RBFOX1: variants seen among roughly 807,000 people sequenced by gnomAD.
The protein encoded by RBFOX1 is RNA binding fox-1 homolog 1.
A neutral mutation model predicts 57.7 loss-of-function variants in RBFOX1; 8 were observed. The observed-to-expected ratio is 0.14, with a 90% CI of 0.08 to 0.25. The LOEUF is 0.25. Ranked by LOEUF, RBFOX1 falls within the 10% of genes least tolerant of loss-of-function variation. The pLI is 1.00. For synonymous variants in RBFOX1, 326 were observed against 222.4 expected (o/e 1.47, Z -4.15); for missense variants, 611 against 548.5 (o/e 1.11, Z -1.14).
intron 2 of RBFOX1, among the ~76,000 whole-genome samples, chr16:5,579,644 C>T (rs2151153846): frequency 6.6e-6 from 1 of 152,324 alleles, no homozygotes; most frequent in Admixed American, 6.5e-5. Context: ...TCCTGCCATT[C>T]TTAGGGGAAA....
intron 2 of RBFOX1, among the ~76,000 whole-genome samples, chr16:6,516,950 A>G (rs910316065): frequency 6.6e-6 from 1 of 152,164 alleles, no homozygotes; most frequent in East Asian, 1.9e-4. Context: ...CTCCACAAAT[A>G]TGCTCTGGGG....
intron 4 of RBFOX1, among the ~76,000 whole-genome samples, chr16:5,965,737 G>C (rs147219883): frequency 6.6e-6 from 1 of 152,270 alleles, no homozygotes; most frequent in African/African-American, 2.4e-5. Flanking sequence ...CTCTGAGTGA[G>C]GATATTTTTC....
intron 2 of RBFOX1, among the ~76,000 whole-genome samples, chr16:6,395,450 C>G (rs1431790738): frequency 2.6e-5 from 4 of 152,220 alleles, no homozygotes; most frequent in Non-Finnish European, 1.5e-5. Context: ...GGCTCTGTAA[C>G]TTTCTACCTT....
chr16:7,229,764 G>A (rs1351177979), intron 4 of RBFOX1, among the ~76,000 whole-genome samples: 2 of 100,858 alleles, frequency 2.0e-5, no homozygotes, highest in African/African-American at 7.7e-5. Context: ...GAGAGAGGGA[G>A]GAAGGGAGAG....
chr16:7,003,299 A>G (rs1430145012), intron 3 of RBFOX1, among the ~76,000 whole-genome samples: 2 of 152,060 alleles, frequency 1.3e-5, no homozygotes, highest in Non-Finnish European at 2.9e-5. Context: ...GTCTCTACTA[A>G]AAGTGCAAAA....
chr16:6,800,840 G>T (rs2085264311), intron 3 of RBFOX1, among the ~76,000 whole-genome samples: 1 of 151,974 alleles, frequency 6.6e-6, no homozygotes, highest in South Asian at 2.1e-4. Context: ...CAAAATGGAA[G>T]GATTTTTCAT....
chr16:7,152,365 A>G (rs1340015250), intron 4 of RBFOX1, among the ~76,000 whole-genome samples: 3 of 152,154 alleles, frequency 2.0e-5, no homozygotes, highest in African/African-American at 7.2e-5. Context: ...TAAATTTACT[A>G]CTCCATGGTT....
At chr16:6,998,388 AC>A (rs1173743212) in intron 3 of RBFOX1, among the ~76,000 whole-genome samples, 2 of 152,134 alleles carry the variant, frequency 1.3e-5, no homozygotes, top group Non-Finnish European at 2.9e-5. Flanking sequence ...GATGGTGAAA[AC>A]TAATCTGAAG....
intron 2 of RBFOX1, among the ~76,000 whole-genome samples, chr16:6,322,679 A>G (rs533924195): frequency 2.4e-4 from 36 of 152,330 alleles, no homozygotes; most frequent in Admixed American, 4.6e-4. Flanking sequence ...GAGAAACAAC[A>G]ATAATTGCCT....
intron 4 of RBFOX1, among the ~76,000 whole-genome samples, chr16:7,345,690 G>A (rs2096985818): frequency 6.6e-6 from 1 of 152,110 alleles, no homozygotes; most frequent in Admixed American, 6.5e-5. Context: ...AGCCGTCTGG[G>A]GATGGATAAA....
At chr16:7,164,401 T>C (rs1475794643) in intron 4 of RBFOX1, among the ~76,000 whole-genome samples, 1 of 152,208 alleles carries the variant, frequency 6.6e-6, no homozygotes, top group Non-Finnish European at 1.5e-5. Context: ...ATTTTTGCAA[T>C]TACAAATAGT....
chr16:7,058,896 C>T (rs1196943637), intron 4 of RBFOX1, among the ~76,000 whole-genome samples: 1 of 152,054 alleles, frequency 6.6e-6, no homozygotes, highest in East Asian at 1.9e-4. Flanking sequence ...ATATTGCCCG[C>T]AGTTATGACA....
At chr16:5,788,072 G>A (rs1236298396) in intron 3 of RBFOX1, among the ~76,000 whole-genome samples, 2 of 152,118 alleles carry the variant, frequency 1.3e-5, no homozygotes, top group Non-Finnish European at 2.9e-5. Flanking sequence ...TAGGGGTGTT[G>A]AAAAGATTGT....
chr16:7,497,117 A>C (rs1023947530), intron 4 of RBFOX1, among the ~76,000 whole-genome samples: 2 of 152,152 alleles, frequency 1.3e-5, no homozygotes, highest in Non-Finnish European at 2.9e-5. Flanking sequence ...GACCATGTGA[A>C]TCCCATGCCT....
intron 3 of RBFOX1, among the ~76,000 whole-genome samples, chr16:5,819,357 T>G (rs1179224503): frequency 6.6e-6 from 1 of 152,178 alleles, no homozygotes; most frequent in East Asian, 1.9e-4. Flanking sequence ...CTCACCTCTT[T>G]TAGGGGACAC....
chr16:7,481,909 T>G (rs2064044633), intron 4 of RBFOX1, among the ~76,000 whole-genome samples: 1 of 152,222 alleles, frequency 6.6e-6, no homozygotes, highest in Non-Finnish European at 1.5e-5. Context: ...GTTGAATATC[T>G]CATGTAATAA....
intron 2 of RBFOX1, among the ~76,000 whole-genome samples, chr16:6,532,778 C>G (rs1185402455): frequency 6.6e-6 from 1 of 152,190 alleles, no homozygotes; most frequent in Non-Finnish European, 1.5e-5. Flanking sequence ...ACCGTCCCCA[C>G]TCCTGTGTTA....
At chr16:5,421,692 T>C (rs1460191768) in intron 1 of RBFOX1, among the ~76,000 whole-genome samples, 1 of 152,162 alleles carries the variant, frequency 6.6e-6, no homozygotes, top group East Asian at 1.9e-4. Context: ...AAAAGACATT[T>C]GAGTGGCAAA....
chr16:7,336,924 T>C (rs1325677691), intron 4 of RBFOX1, among the ~76,000 whole-genome samples: 1 of 152,220 alleles, frequency 6.6e-6, no homozygotes, highest in Non-Finnish European at 1.5e-5. Context: ...TTCATGTATT[T>C]TGCTGTAGGA....
Sources: allele counts gnomAD v4.1 joint callset (sites outside exome capture counted in the v4.1 genomes callset), GRCh38; gene constraint gnomAD v4.1.1; transcripts MANE v1.5; gene names NCBI Gene and HGNC (gene_info 2026-07-23, HGNC 2026-07-21).